The following LRRC1 variants were observed in gnomAD, a reference collection of about 807,000 sequenced individuals.
LRRC1 encodes leucine-rich repeat-containing protein 1.
A neutral mutation model predicts 69.9 loss-of-function variants in LRRC1; 28 were observed. The ratio of observed to expected loss-of-function variants is 0.40; its 90% CI spans 0.30 to 0.55. LRRC1 has a LOEUF of 0.55. Ranked by LOEUF, LRRC1 falls within the 20% of genes least tolerant of loss-of-function variation. The pLI is 0.47. For synonymous variants in LRRC1, 236 were observed against 240.2 expected, an observed-to-expected ratio of 0.98 and a Z score of 0.16; for missense variants, 498 against 609.0, an observed-to-expected ratio of 0.82 and a Z score of 1.92.
At chr6:53,922,040 A>T (rs1433361976) in intron 13 of LRRC1, among the ~76,000 whole-genome samples, 1 of 152,228 alleles carries the variant, frequency 6.6e-6, no homozygotes, top group Non-Finnish European at 1.5e-5. Context: ...ATAATATTTT[A>T]AAAATTACTC....
chr6:53,835,864 C>T (rs540670345), intron 1 of LRRC1, among the ~76,000 whole-genome samples: 46 of 151,918 alleles, frequency 3.0e-4, no homozygotes, highest in Middle Eastern at 3.2e-3. Flanking sequence ...TTTTTCCCAC[C>T]CTCTCCCTCT....
intron 2 of LRRC1, among the ~76,000 whole-genome samples, chr6:53,852,526 T>C (rs1269639644): frequency 2.6e-5 from 4 of 152,206 alleles, no homozygotes; most frequent in African/African-American, 9.6e-5. Context: ...GGTGTGGCTA[T>C]TAGCATCTCA....
intron 10 of LRRC1, 67 bp from the exon 11 acceptor site, chr6:53,913,787 G>A (rs1346001894): frequency 2.1e-6 from 2 of 967,500 alleles, no homozygotes; most frequent in African/African-American, 1.6e-5. Context: ...GGTAAACAAG[G>A]TACTCTGATC....
intron 1 of LRRC1, among the ~76,000 whole-genome samples, chr6:53,828,894 C>G (rs988695678): frequency 6.6e-6 from 1 of 152,216 alleles, no homozygotes; most frequent in Admixed American, 6.5e-5. Flanking sequence ...AAGGTGTTAT[C>G]ATTAGATCTA....
intron 1 of LRRC1, among the ~76,000 whole-genome samples, chr6:53,826,227 C>A (rs1233986710): frequency 6.8e-6 from 1 of 146,594 alleles, no homozygotes. Context: ...GACTCCTGAT[C>A]ACAGCTGTCC....
At chr6:53,824,854 A>G (rs562808941) in intron 1 of LRRC1, among the ~76,000 whole-genome samples, 2 of 152,240 alleles carry the variant, frequency 1.3e-5, no homozygotes, top group East Asian at 3.9e-4. Context: ...CTTTGATAAA[A>G]CCATACTAAA....
chr6:53,863,759 T>A (rs1435914041), intron 2 of LRRC1, among the ~76,000 whole-genome samples: 6 of 152,204 alleles, frequency 3.9e-5, no homozygotes, highest in Non-Finnish European at 8.8e-5. Flanking sequence ...GTAATTTTTT[T>A]AATGGGATCT....
At chr6:53,861,649 C>G (rs1766526425) in intron 2 of LRRC1, among the ~76,000 whole-genome samples, 1 of 152,002 alleles carries the variant, frequency 6.6e-6, no homozygotes, top group African/African-American at 2.4e-5. Context: ...TATTGAGAAT[C>G]AGTGTTCTAG....
At chr6:53,894,580 TAACA>T (rs1767806721) in intron 4 of LRRC1, among the ~76,000 whole-genome samples, 1 of 152,232 alleles carries the variant, frequency 6.6e-6, no homozygotes, top group Non-Finnish European at 1.5e-5. Context: ...ATGACAATCC[TAACA>T]TTCATTTTAA....
In LRRC1 at chr6:53,842,221, C is replaced by G; in HGVS notation, c.271C>G (p.Arg91Gly). 1 of 1,610,086 alleles carries G rather than the reference C, an allele frequency of 6.2e-7. No homozygotes were observed. The highest frequency in any genetic ancestry group is 8.5e-7 in the Non-Finnish European group (1 of 1,176,878). Residue 91 changes from arginine (R) to glycine (G), a missense_variant, in exon 2 of 14, where the codon CGA becomes GGA. Physicochemically the swap from Arg to Gly is moderately radical, Grantham distance 125. Coordinates refer to ENST00000370888, the MANE Select transcript of LRRC1 (RefSeq NM_018214.5). ...FMQLVELDVSRNEIPEIPESI... is the reference protein window; with the variant it reads ...FMQLVELDVSGNEIPEIPESI... The stretch of plus-strand genomic sequence containing the variant: ...GCAGCTGGTGGAACTAGATGTGTCT[C>G]GAAATGGTAAGAAAGATTCCACTTG...
chr6:53,878,596 G>GT (rs1422557601), intron 2 of LRRC1, among the ~76,000 whole-genome samples: 1 of 152,158 alleles, frequency 6.6e-6, no homozygotes, highest in Non-Finnish European at 1.5e-5. Context: ...AGCTCAGGCA[G>GT]TAATGCAAGT....
At chr6:53,859,518 C>T (rs1766427607) in intron 2 of LRRC1, among the ~76,000 whole-genome samples, 1 of 152,188 alleles carries the variant, frequency 6.6e-6, no homozygotes, top group Non-Finnish European at 1.5e-5. Flanking sequence ...AGACCCTAAA[C>T]AGCATTTAGA....
intron 10 of LRRC1, among the ~76,000 whole-genome samples, chr6:53,913,546 C>G (rs1028444067): frequency 2.6e-5 from 4 of 152,160 alleles, no homozygotes; most frequent in African/African-American, 9.7e-5. Flanking sequence ...TTAACAGATG[C>G]AGTTGCGTTA....
At chr6:53,846,003 G>A (rs1765931790) in intron 2 of LRRC1, among the ~76,000 whole-genome samples, 1 of 152,196 alleles carries the variant, frequency 6.6e-6, no homozygotes, top group Admixed American at 6.5e-5. Context: ...TAAGATGCTG[G>A]AGCTGACTTT....
At position 53,795,315 on chromosome 6, in the gene LRRC1, G is replaced by A; in HGVS notation, c.59G>A (p.Arg20His). The A allele has an allele frequency of 6.2e-7, 1 of 1,613,388 alleles. No individual in the cohort carries two copies. Among genetic ancestry groups the A allele is most frequent in the Non-Finnish European group, 8.5e-7 (1 of 1,179,908 alleles). The stretch of plus-strand genomic sequence containing the variant: ...CGTCATGTGGAGAGCATCGACAAGC[G>A]CCACTGCTCGCTGGTCTACGTCCCC... Reference protein sequence around the residue: ...CNRHVESIDKRHCSLVYVPEE... With the variant: ...CNRHVESIDKHHCSLVYVPEE... Residue 20 changes from arginine (R) to histidine (H), a missense_variant, in exon 1 of 14, where the codon CGC becomes CAC. Coordinates refer to ENST00000370888, the MANE Select transcript of LRRC1 (RefSeq NM_018214.5).
chr6:53,831,944 AT>A (rs1457396651), intron 1 of LRRC1, among the ~76,000 whole-genome samples: 1 of 152,234 alleles, frequency 6.6e-6, no homozygotes, highest in Non-Finnish European at 1.5e-5. Context: ...ATCAGGACTT[AT>A]CAGTGTTGCC....
chr6:53,923,718 A>G lies in LRRC1; in HGVS notation c.*925A>G, dbSNP rs879063118. ...ATTTGTAAAATAAAATAGAGCAGAAAAACACAAAAAGAGAACACTGGTTCA... is the reference window on the plus strand; with the variant it reads ...ATTTGTAAAATAAAATAGAGCAGAAGAACACAAAAAGAGAACACTGGTTCA... On this transcript the variant is annotated 3_prime_UTR_variant, in exon 14 of 14. Coordinates refer to ENST00000370888, the MANE Select transcript of LRRC1 (RefSeq NM_018214.5). The G allele has an allele frequency of 6.5e-6, 1 of 152,680 alleles. No homozygotes were observed. The highest frequency in any genetic ancestry group is 2.1e-4 in the South Asian group (1 of 4,832). 9.5% of individuals were successfully genotyped at this position (152,680 alleles called of 1,614,324 possible).
chr6:53,894,893 G>C (rs1273772364), intron 4 of LRRC1, among the ~76,000 whole-genome samples: 1 of 151,344 alleles, frequency 6.6e-6, no homozygotes, highest in African/African-American at 2.4e-5. Context: ...AAGAACGTTG[G>C]TGTTAATTTC....
intron 4 of LRRC1, among the ~76,000 whole-genome samples, chr6:53,883,702 C>T (rs1015387241): frequency 2.6e-5 from 4 of 152,184 alleles, no homozygotes; most frequent in African/African-American, 9.7e-5. Context: ...TCATGGTTAA[C>T]CACTTAAAAA....
Sources: gnomAD v4.1 joint callset for allele counts (sites outside exome capture counted in the v4.1 genomes callset) on GRCh38, gnomAD v4.1.1 for gene constraint, MANE v1.5 for transcripts, NCBI Gene and HGNC (gene_info 2026-07-23, HGNC 2026-07-21) for gene names.